The following PTPN14 variants were observed in gnomAD, a reference collection of about 807,000 sequenced individuals.
The protein encoded by PTPN14 is tyrosine-protein phosphatase non-receptor type 14.
A neutral mutation model predicts 126.8 loss-of-function variants in PTPN14; 53 were observed. The observed-to-expected ratio is 0.42, with a 90% CI of 0.34 to 0.53. The LOEUF (loss-of-function observed/expected upper bound fraction) is 0.53. Ranked by LOEUF, PTPN14 falls within the 20% of genes least tolerant of loss-of-function variation. The pLI is 0.08. For missense variants in PTPN14, 1,257 were observed against 1,552.9 expected (o/e 0.81, Z 3.20); for synonymous variants, 630 against 599.3 (o/e 1.05, Z -0.75).
intron 2 of PTPN14, among the ~76,000 whole-genome samples, chr1:214,460,021 C>T (rs1175555693): frequency 1.3e-5 from 2 of 152,172 alleles, no homozygotes; most frequent in Non-Finnish European, 2.9e-5. Context: ...ATACTCCCTG[C>T]TCCCCCACTA....
intron 17 of PTPN14, among the ~76,000 whole-genome samples, chr1:214,365,675 G>C (rs1225063974): frequency 1.3e-5 from 2 of 152,140 alleles, no homozygotes; most frequent in Non-Finnish European, 2.9e-5. Context: ...CCTGTTTACA[G>C]ACATATATAA....
chr1:214,509,094 A>G (rs1654909358), intron 1 of PTPN14, among the ~76,000 whole-genome samples: 1 of 152,204 alleles, frequency 6.6e-6, no homozygotes, highest in South Asian at 2.1e-4. Flanking sequence ...ACTTACTTCA[A>G]CTTAAAGTCA....
intron 1 of PTPN14, among the ~76,000 whole-genome samples, chr1:214,542,924 G>A (rs1445623991): frequency 1.3e-5 from 2 of 152,072 alleles, no homozygotes; most frequent in Admixed American, 6.6e-5. Flanking sequence ...CCTTAATCCC[G>A]TTGACTTAGG....
At chr1:214,512,007 C>T (rs1157488080) in intron 1 of PTPN14, among the ~76,000 whole-genome samples, 1 of 151,808 alleles carries the variant, frequency 6.6e-6, no homozygotes, top group Admixed American at 6.6e-5. Flanking sequence ...AGATTTGTGG[C>T]CTTGCTGACT....
At chr1:214,528,694 G>C (rs1374716975) in intron 1 of PTPN14, 1 of 152,212 alleles carries the variant, frequency 6.6e-6, no homozygotes, top group Non-Finnish European at 1.5e-5. Flanking sequence ...ACTTTGAGAG[G>C]CCGAGGTGGG....
At chr1:214,396,785 G>A (rs1172010490) in intron 8 of PTPN14, among the ~76,000 whole-genome samples, 4 of 152,306 alleles carry the variant, frequency 2.6e-5, no homozygotes, top group African/African-American at 7.2e-5. Flanking sequence ...CTGTGCTGTA[G>A]GTTCAAACAG....
chr1:214,376,119 C>T (rs1012350513), intron 15 of PTPN14, 100 bp downstream of exon 15: 2 of 1,151,478 alleles, frequency 1.7e-6, no homozygotes, highest in East Asian at 2.5e-5. Context: ...TGGGGACAAG[C>T]CAAAAGGTAC....
intron 1 of PTPN14, among the ~76,000 whole-genome samples, chr1:214,549,927 G>A (rs141947713): frequency 1.3e-5 from 2 of 152,284 alleles, no homozygotes; most frequent in East Asian, 1.9e-4. Flanking sequence ...GCACCAACAT[G>A]GCCATAAATG....
At chr1:214,470,928 C>G (rs61819623) in intron 1 of PTPN14, among the ~76,000 whole-genome samples, 13,664 of 148,824 alleles carry the variant, frequency 0.092, 640 homozygotes, top group South Asian at 0.12. Context: ...GGGAGGCTGA[C>G]ACAGGAGAAT....
At position 214,505,184 on chromosome 1, in the gene PTPN14, A is replaced by G. The variant is rs560136584; in HGVS notation, c.-154-40227T>C. Reference sequence around the variant, plus strand: ...CCCAGCTGTGAATACCCGCCAGGGAAAAAAAAAAAAGTGTGACAGGAGGAC... The same window carrying G: ...CCCAGCTGTGAATACCCGCCAGGGAGAAAAAAAAAAGTGTGACAGGAGGAC... On this transcript the variant is annotated intron_variant, in intron 1 of 18. Transcript: ENST00000366956. 5.6e-3 allele frequency among the ~76,000 whole-genome samples: 696 copies of G among 125,164 alleles called. 4 individuals carry two copies. The highest frequency in any genetic ancestry group is 0.02 in the African/African-American group (655 of 32,070). 82.1% of individuals were successfully genotyped at this position (125,164 alleles called of 152,430 possible).
chr1:214,504,324 CCGGGCAATGGGCAG>C (rs1337571843), intron 1 of PTPN14, among the ~76,000 whole-genome samples: 2 of 152,028 alleles, frequency 1.3e-5, no homozygotes, highest in African/African-American at 4.8e-5. Flanking sequence ...ATGGCAAGCA[CCGGGCAATGGGCAG>C]CTGCCTCAAA....
At chr1:214,490,451 C>T (rs1324981096) in intron 1 of PTPN14, among the ~76,000 whole-genome samples, 1 of 152,122 alleles carries the variant, frequency 6.6e-6, no homozygotes, top group Non-Finnish European at 1.5e-5. Context: ...AACAAAGCAT[C>T]TTTGGCTATA....
intron 1 of PTPN14, chr1:214,533,354 A>G (rs1249511091): frequency 2.1e-6 from 1 of 484,044 alleles, no homozygotes; most frequent in Admixed American, 2.8e-5. Flanking sequence ...TTCAATCTTC[A>G]ATCTTGGTGA....
At chr1:214,514,689 T>TGCC (rs1655058008) in intron 1 of PTPN14, among the ~76,000 whole-genome samples, 1 of 152,138 alleles carries the variant, frequency 6.6e-6, no homozygotes, top group Non-Finnish European at 1.5e-5. Context: ...TGAGGATGTG[T>TGCC]GCCAACTCCT....
At chr1:214,450,373 G>A (rs1660246967) in intron 3 of PTPN14, among the ~76,000 whole-genome samples, 1 of 151,520 alleles carries the variant, frequency 6.6e-6, no homozygotes. Flanking sequence ...TCGGGAGGCT[G>A]AGGCACGAGA....
At chr1:214,390,881 A>T in intron 11 of PTPN14, 107 bp downstream of exon 11, 1 of 950,482 alleles carries the variant, frequency 1.1e-6, no homozygotes, top group African/African-American at 1.7e-5. Flanking sequence ...CTGTGTTCTC[A>T]CAAAATTTCA....
intron 17 of PTPN14, among the ~76,000 whole-genome samples, chr1:214,367,390 T>C (rs1658106556): frequency 6.6e-6 from 1 of 152,198 alleles, no homozygotes. Context: ...AGTACCATCG[T>C]CACTTTCAAG....
chr1:214,543,841 G>T (rs993236812), intron 1 of PTPN14, among the ~76,000 whole-genome samples: 1 of 152,078 alleles, frequency 6.6e-6, no homozygotes, highest in Non-Finnish European at 1.5e-5. Flanking sequence ...GGATGGTCTC[G>T]ATCTCTTGAC....
At chr1:214,541,601 T>C (rs906272315) in intron 1 of PTPN14, among the ~76,000 whole-genome samples, 15 of 152,190 alleles carry the variant, frequency 9.9e-5, no homozygotes, top group Non-Finnish European at 1.6e-4. Flanking sequence ...AGGGTTCCAG[T>C]GACTTGGGTA....
Sources: gnomAD v4.1 joint callset for allele counts (sites outside exome capture counted in the v4.1 genomes callset) on GRCh38, gnomAD v4.1.1 for gene constraint, MANE v1.5 for transcripts, NCBI Gene and HGNC (gene_info 2026-07-23, HGNC 2026-07-21) for gene names.